Variants in MIPEP observed in about 807,000 individuals in gnomAD.
MIPEP encodes mitochondrial intermediate peptidase.
Under a neutral mutation model 90.3 loss-of-function variants are expected in MIPEP, and 79 were observed. That is an observed-to-expected ratio of 0.87 (90% CI 0.73 to 1.05). MIPEP has a LOEUF of 1.05. MIPEP is among the 50% of genes least tolerant of loss of function. The pLI is 0.00. For missense variants in MIPEP, 940 were observed against 905.6 expected (o/e 1.04, Z -0.49); for synonymous variants, 334 against 315.8 (o/e 1.06, Z -0.61).
chr13:23,869,266 C>T, intron 7 of MIPEP, 26 bp downstream of exon 7: 2 of 1,546,770 alleles, frequency 1.3e-6, no homozygotes, highest in Admixed American at 2.2e-5. Flanking sequence ...CTATTTTGCC[C>T]TTAAATGTTG....
chr13:23,881,957 C>CATTT (rs1403441570), intron 2 of MIPEP, among the ~76,000 whole-genome samples, 170 bp from the exon 3 acceptor site: 1 of 152,100 alleles, frequency 6.6e-6, no homozygotes, highest in African/African-American at 2.4e-5. Context: ...TCTTTCTGAA[C>CATTT]ATTTAATTCT....
At chr13:23,832,556 G>T (rs768402810) in intron 14 of MIPEP, among the ~76,000 whole-genome samples, 3 of 152,102 alleles carry the variant, frequency 2.0e-5, no homozygotes, top group Non-Finnish European at 2.9e-5. Context: ...CCAGGAGAAT[G>T]AGGCCACCTA....
At chr13:23,749,595 G>A (rs1394325903) in intron 18 of MIPEP, among the ~76,000 whole-genome samples, 1 of 152,204 alleles carries the variant, frequency 6.6e-6, no homozygotes, top group Non-Finnish European at 1.5e-5. Flanking sequence ...CAGTCACTCA[G>A]AAACTGAATC....
intron 16 of MIPEP, among the ~76,000 whole-genome samples, chr13:23,802,698 T>TAAGATTTTTC (rs1953058325): frequency 6.6e-6 from 1 of 152,110 alleles, no homozygotes; most frequent in African/African-American, 2.4e-5. Flanking sequence ...AAAGATTTTT[T>TAAGATTTTTC]AACTTTAAGA....
intron 15 of MIPEP, among the ~76,000 whole-genome samples, chr13:23,808,979 T>C (rs1953142407): frequency 6.6e-6 from 1 of 152,208 alleles, no homozygotes; most frequent in African/African-American, 2.4e-5. Flanking sequence ...AGATGAAAGA[T>C]GGGTGTTTAA....
chr13:23,731,843 C>T (rs1374997217), intron 18 of MIPEP, among the ~76,000 whole-genome samples: 1 of 151,718 alleles, frequency 6.6e-6, no homozygotes, highest in Non-Finnish European at 1.5e-5. Flanking sequence ...AGGTTTTTCA[C>T]AGAAGATATC....
At position 23,869,366 on chromosome 13, in the gene MIPEP, T is replaced by G; in HGVS notation, c.869A>C (p.Asp290Ala). ...ATACCCCACCAACTTTGCCAGAAGA[T>G]CTCTGCTGCTGAGCAATTCTTCTAA... ...KCLEELLSSR[D>A]LLAKLVGYST... Residue 290 changes from aspartate to alanine, a missense_variant, in exon 7 of 19, where the codon GAT (aspartate) becomes GCT (alanine). Transcript: ENST00000382172. The G allele has an allele frequency of 6.2e-7, 1 of 1,613,682 alleles. No individual in the cohort carries two copies.
chr13:23,828,740 T>C (rs1356781978), intron 14 of MIPEP, among the ~76,000 whole-genome samples: 1 of 152,180 alleles, frequency 6.6e-6, no homozygotes, highest in African/African-American at 2.4e-5. Flanking sequence ...TCTCTCCAAA[T>C]TGGCCTAGAA....
intron 7 of MIPEP, among the ~76,000 whole-genome samples, chr13:23,864,592 C>G (rs1341513521): frequency 6.6e-6 from 1 of 151,764 alleles, no homozygotes; most frequent in African/African-American, 2.4e-5. Flanking sequence ...AAAAATTAGC[C>G]AGGCGTGGTG....
rs1180055754 is a variant in MIPEP, at chr13:23,866,862, A to G, written c.943+2430T>C. Among the ~76,000 whole-genome samples the G allele has an allele frequency of 4.6e-5, 7 of 152,242 alleles. No homozygotes were observed. The South Asian group carries it at 6.2e-4, about 14-fold the overall frequency. On this transcript the variant is annotated intron_variant, in intron 7 of 18. Transcript: ENST00000382172. ...GGTATCTCAAACTTAACTTGAAACA[A>G]ACCAAGTTTCCGGTCCTCCCAATCT... is the stretch of plus-strand genomic sequence containing the variant.
intron 14 of MIPEP, among the ~76,000 whole-genome samples, chr13:23,830,755 T>TA (rs745535158): frequency 5.3e-5 from 8 of 152,328 alleles, no homozygotes; most frequent in Non-Finnish European, 8.8e-5. Flanking sequence ...TTTTCTAGTC[T>TA]AAAAATGTCT....
At chr13:23,848,116 A>C (rs1286811066) in intron 10 of MIPEP, among the ~76,000 whole-genome samples, 1 of 152,204 alleles carries the variant, frequency 6.6e-6, no homozygotes, top group Non-Finnish European at 1.5e-5. Context: ...TAGGTTTCTG[A>C]AGCTTCAGTT....
intron 18 of MIPEP, among the ~76,000 whole-genome samples, chr13:23,740,133 G>C (rs1952309998): frequency 3.3e-5 from 5 of 152,114 alleles, no homozygotes; most frequent in Admixed American, 3.3e-4. Context: ...CTACACACAG[G>C]ACAGGCCCCA....
intron 16 of MIPEP, among the ~76,000 whole-genome samples, chr13:23,798,140 T>C (rs1218948962): frequency 6.6e-6 from 1 of 152,178 alleles, no homozygotes; most frequent in East Asian, 1.9e-4. Context: ...GTTATCACAA[T>C]ATAAATACAA....
intron 2 of MIPEP, 130 bp from the exon 3 acceptor site, chr13:23,881,917 T>G (rs1871286809): frequency 1.1e-5 from 7 of 652,670 alleles, no homozygotes; most frequent in Non-Finnish European, 1.9e-5. Flanking sequence ...CATTACTGAC[T>G]TTTTCCTAAG....
At chr13:23,763,302 C>G (rs529634198) in intron 16 of MIPEP, among the ~76,000 whole-genome samples, 1 of 152,248 alleles carries the variant, frequency 6.6e-6, no homozygotes, top group Admixed American at 6.5e-5. Context: ...TGGAATACAG[C>G]CTGCTGTTTT....
At chr13:23,863,970 T>G (rs1413618603) in intron 8 of MIPEP, among the ~76,000 whole-genome samples, 171 bp downstream of exon 8, 3 of 152,210 alleles carry the variant, frequency 2.0e-5, no homozygotes, top group African/African-American at 7.2e-5. Context: ...GAATGGCACA[T>G]AAGGAAGACA....
intron 16 of MIPEP, among the ~76,000 whole-genome samples, chr13:23,805,008 A>G (rs7325364): frequency 0.34 from 52,214 of 151,986 alleles, 9,443 homozygotes; most frequent in African/African-American, 0.46. Flanking sequence ...CCGAGCTGAG[A>G]GGCAGAAAGA....
intron 16 of MIPEP, among the ~76,000 whole-genome samples, chr13:23,765,600 A>ATTGC (rs1416232263): frequency 6.6e-6 from 1 of 152,160 alleles, no homozygotes; most frequent in Non-Finnish European, 1.5e-5. Context: ...AATGCAACCT[A>ATTGC]TTGCTCTGAT....
Sources: gnomAD v4.1 joint callset for allele counts (sites outside exome capture counted in the v4.1 genomes callset) on GRCh38, gnomAD v4.1.1 for gene constraint, MANE v1.5 for transcripts, NCBI Gene and HGNC (gene_info 2026-07-23, HGNC 2026-07-21) for gene names.